Variants in SKAP2 observed in about 807,000 individuals in gnomAD.
SKAP2 encodes the protein src kinase-associated phosphoprotein 2.
SKAP2 carries 28 observed loss-of-function variants against 54.9 expected under a neutral mutation model. That is an observed-to-expected ratio of 0.51 (90% confidence interval 0.38 to 0.70). SKAP2 has a LOEUF of 0.70. Ranked by LOEUF, SKAP2 falls within the 30% of genes least tolerant of loss-of-function variation. The pLI is 0.00. For missense variants in SKAP2, 356 were observed against 424.1 expected, an observed-to-expected ratio of 0.84 and a Z score of 1.41; for synonymous variants, 137 against 134.3, an observed-to-expected ratio of 1.02 and a Z score of -0.14.
intron 4 of SKAP2, among the ~76,000 whole-genome samples, chr7:26,828,136 G>A (rs17375390): frequency 0.061 from 9,287 of 152,096 alleles, 390 homozygotes; most frequent in Non-Finnish European, 0.09. Context: ...GCCTGGCCCC[G>A]GAGAACCCAG....
chr7:26,864,055 T>TCACACACTCACACA (rs1554310124), intron 1 of SKAP2, among the ~76,000 whole-genome samples: 13 of 143,438 alleles, frequency 9.1e-5, no homozygotes, highest in African/African-American at 2.6e-4. Flanking sequence ...CGCCCTTCTG[T>TCACACACTCACACA]CACACACACA....
At chr7:26,713,662 C>T (rs532653033) in intron 9 of SKAP2, among the ~76,000 whole-genome samples, 3 of 151,636 alleles carry the variant, frequency 2.0e-5, no homozygotes, top group East Asian at 1.9e-4. Context: ...TGCAGTGGCG[C>T]GATCTCGGCT....
intron 9 of SKAP2, among the ~76,000 whole-genome samples, chr7:26,696,156 T>C (rs762280701): frequency 6.6e-6 from 1 of 152,208 alleles, no homozygotes; most frequent in Non-Finnish European, 1.5e-5. Flanking sequence ...GATTTTTATA[T>C]TACTATATTT....
In SKAP2 at chr7:26,838,370, C is replaced by T. The variant is rs190272904; in HGVS notation, c.307+5660G>A. Among the ~76,000 whole-genome samples the T allele has an allele frequency of 2.4e-3, 363 of 152,266 alleles. 3 individuals carry two copies. The highest frequency in any genetic ancestry group is 8.0e-3 in the African/African-American group (333 of 41,550). ...CATGCAGATCACCTCACCTCACTGC[C>T]ACCATTCAATTTACTAATTCTGAAA... On this transcript the variant is annotated intron_variant, in intron 4 of 12. Transcript: ENST00000345317.
intron 10 of SKAP2, among the ~76,000 whole-genome samples, chr7:26,689,941 T>C (rs1018187620): frequency 6.6e-6 from 1 of 152,236 alleles, no homozygotes; most frequent in Non-Finnish European, 1.5e-5. Context: ...AGCAACTGCA[T>C]GTTGTATCTA....
intron 6 of SKAP2, among the ~76,000 whole-genome samples, chr7:26,729,064 G>A (rs62447733): frequency 0.045 from 6,830 of 152,224 alleles, 362 homozygotes; most frequent in East Asian, 0.28. Context: ...AGATCTTTCT[G>A]GGCCAGATTA....
At chr7:26,839,716 A>G (rs981186266) in intron 4 of SKAP2, among the ~76,000 whole-genome samples, 1 of 152,094 alleles carries the variant, frequency 6.6e-6, no homozygotes. Context: ...AGAGAAAAGT[A>G]AAACATCTAT....
intron 9 of SKAP2, among the ~76,000 whole-genome samples, chr7:26,699,243 C>T (rs1166619758): frequency 1.3e-5 from 2 of 152,164 alleles, no homozygotes; most frequent in Admixed American, 6.5e-5. Context: ...AAGTACCTCC[C>T]TTTTCCTTCC....
chr7:26,733,542 TATG>T (rs1361298325), intron 6 of SKAP2, among the ~76,000 whole-genome samples: 1 of 152,070 alleles, frequency 6.6e-6, no homozygotes, highest in African/African-American at 2.4e-5. Context: ...AAAAGAGAAA[TATG>T]ATGCTTTTTC....
rs1250038926 is a variant in SKAP2, at chr7:26,861,035, C to T, written c.67+3328G>A. 2.0e-5 allele frequency among the ~76,000 whole-genome samples: 3 copies of T among 151,974 alleles called. No homozygotes were observed. In the South Asian group the frequency reaches 6.2e-4, roughly 32 times the overall value. On this transcript the variant is annotated intron_variant, in intron 1 of 12. Transcript: ENST00000345317. ...CTTCTTTTAACAATGGTTTCATTTG[C>T]TAATTTAGTAAACAGAAAATAACAT...
At chr7:26,852,393 A>G (rs1785062770) in intron 3 of SKAP2, among the ~76,000 whole-genome samples, 1 of 152,190 alleles carries the variant, frequency 6.6e-6, no homozygotes, top group African/African-American at 2.4e-5. Context: ...ACAATGGCAT[A>G]AAAGTACTCA....
At chr7:26,841,133 T>C (rs1342016657) in intron 4 of SKAP2, among the ~76,000 whole-genome samples, 2 of 152,010 alleles carry the variant, frequency 1.3e-5, no homozygotes, top group African/African-American at 2.4e-5. Context: ...TATTAATGAG[T>C]AGACATGACT....
At chr7:26,767,661 TC>T (rs1783090579) in intron 4 of SKAP2, among the ~76,000 whole-genome samples, 1 of 152,226 alleles carries the variant, frequency 6.6e-6, no homozygotes, top group African/African-American at 2.4e-5. Flanking sequence ...GTATGTTGTC[TC>T]CTTGTTCTCA....
chr7:26,715,400 T>C (rs922922656), intron 9 of SKAP2, among the ~76,000 whole-genome samples: 1 of 148,488 alleles, frequency 6.7e-6, no homozygotes, highest in Non-Finnish European at 1.5e-5. Flanking sequence ...TATTTTATCC[T>C]TGAATCATTG....
At chr7:26,766,544 T>C (rs1297889029) in intron 4 of SKAP2, among the ~76,000 whole-genome samples, 3 of 152,256 alleles carry the variant, frequency 2.0e-5, no homozygotes, top group Non-Finnish European at 2.9e-5. Flanking sequence ...ATCCTTGTCT[T>C]GAGCCGGTTT....
chr7:26,812,471 A>G (rs1784167783), intron 4 of SKAP2, among the ~76,000 whole-genome samples: 1 of 152,150 alleles, frequency 6.6e-6, no homozygotes, highest in Non-Finnish European at 1.5e-5. Flanking sequence ...TTAGGAGACA[A>G]AAATACAAAA....
chr7:26,690,456 A>G, intron 9 of SKAP2, 94 bp from the exon 10 acceptor site: 1 of 753,582 alleles, frequency 1.3e-6, no homozygotes, highest in Non-Finnish European at 2.3e-6. Flanking sequence ...CTAAAAGTTT[A>G]TAACACATAA....
intron 4 of SKAP2, among the ~76,000 whole-genome samples, chr7:26,803,777 C>G (rs1227250092): frequency 6.6e-6 from 1 of 152,086 alleles, no homozygotes; most frequent in Non-Finnish European, 1.5e-5. Context: ...CAATGGAGTA[C>G]TATTCAGCCA....
intron 4 of SKAP2, among the ~76,000 whole-genome samples, 187 bp from the exon 5 acceptor site, chr7:26,740,151 T>TA (rs60264987): frequency 1.2e-3 from 156 of 129,826 alleles, no homozygotes; most frequent in Middle Eastern, 7.8e-3. Flanking sequence ...GTCTCAAAAG[T>TA]AAAAAAAAAA....
Sources: allele counts gnomAD v4.1 joint callset (sites outside exome capture counted in the v4.1 genomes callset), GRCh38; gene constraint gnomAD v4.1.1; transcripts MANE v1.5; gene names NCBI Gene and HGNC (gene_info 2026-07-23, HGNC 2026-07-21).